CACYBP: variants seen among roughly 807,000 people sequenced by gnomAD.
The protein encoded by CACYBP is calcyclin binding protein.
Under a neutral mutation model 29.6 loss-of-function variants are expected in CACYBP, and 11 were observed. The observed-to-expected ratio is 0.37, with a 90% CI of 0.23 to 0.61. The LOEUF is 0.61. Among genes scored for constraint, CACYBP ranks in the 20% least tolerant of loss-of-function variants. The pLI is 0.65. For synonymous variants in CACYBP, 73 were observed against 88.3 expected, an observed-to-expected ratio of 0.83 and a Z score of 0.97; for missense variants, 163 against 260.7, an observed-to-expected ratio of 0.63 and a Z score of 2.58.
intron 4 of CACYBP, 65 bp from the exon 5 acceptor site, chr1:175,008,544 T>G: frequency 1.2e-6 from 1 of 805,644 alleles, no homozygotes; most frequent in Non-Finnish European, 2.2e-6. Flanking sequence ...GATAATTGTT[T>G]TATAAATATT....
rs183883709 is a variant in CACYBP at position 175,004,517 on chromosome 1, C to T, written c.16-97C>T. 11 of 713,144 alleles carry T rather than the reference C, an allele frequency of 1.5e-5. No homozygotes were observed. The East Asian group carries it at 2.8e-4, about 18-fold the overall frequency. 44.2% of individuals were successfully genotyped at this position (713,144 alleles called of 1,614,324 possible). ...GAAAATTTAGATGAACTTCTTAATT[C>T]TTAGTGCTTATTTCAGTAAGTTGAA... On this transcript the variant is annotated intron_variant, in intron 1 of 5. Coordinates refer to ENST00000367679, the MANE Select transcript of CACYBP (RefSeq NM_014412.3).
chr1:175,002,214 C>T (rs1189033961), intron 1 of CACYBP, among the ~76,000 whole-genome samples: 2 of 152,218 alleles, frequency 1.3e-5, no homozygotes, highest in African/African-American at 4.8e-5. Flanking sequence ...GTGGTTGCAT[C>T]ATATTCCTGT....
Position 175,007,168 on chromosome 1 carries a change from C to G in CACYBP, c.403C>G (p.Pro135Ala). ...YSMIVNNLLKPISVEGSSKKV... is the reference protein window; with the variant it reads ...YSMIVNNLLKAISVEGSSKKV... ...CATGATTGTGAACAATCTCTTGAAA[C>G]CCATCTCTGTGGAAGGCAGTTCAAA... is the stretch of plus-strand genomic sequence containing the variant. Residue 135 changes from proline (P) to alanine (A), a missense_variant, in exon 4 of 6, where the codon CCC becomes GCC. Physicochemically the swap from Pro to Ala is conservative, Grantham distance 27. Coordinates refer to ENST00000367679, the MANE Select transcript of CACYBP (RefSeq NM_014412.3). 5 of 1,611,142 alleles carry G rather than the reference C, an allele frequency of 3.1e-6. No homozygotes were observed. Among genetic ancestry groups the G allele is most frequent in the Non-Finnish European group, 4.2e-6 (5 of 1,177,866 alleles).
At chr1:175,001,944 G>C (rs148126437) in intron 1 of CACYBP, among the ~76,000 whole-genome samples, 1,875 of 152,256 alleles carry the variant, frequency 0.012, 34 homozygotes, top group African/African-American at 0.043. Context: ...GTTTCACCAC[G>C]TTGGCCAGGC....
At chr1:175,005,377 C>T (rs144490280) in intron 2 of CACYBP, among the ~76,000 whole-genome samples, 19 of 152,166 alleles carry the variant, frequency 1.2e-4, no homozygotes, top group South Asian at 2.1e-4. Context: ...TTTGTTTTGG[C>T]GGCAGCGCAA....
rs984386624 is a variant in CACYBP, at chr1:175,000,403, C to T, written c.15+208C>T. The T allele has an allele frequency of 3.1e-5, 44 of 1,405,776 alleles. No individual in the cohort carries two copies. The African/African-American group carries it at 6.0e-4, about 19-fold the overall frequency. The allele number at this position is 1,405,776 out of a possible 1,614,324, so 87.1% of individuals were successfully genotyped here. ...CTTCCACTCGACCTCGCACCCCACT[C>T]GCCTGCTGGGCTCGAGCGGGGGTGT... On this transcript the variant is annotated intron_variant, in intron 1 of 5. Transcript: ENST00000367679.
intron 1 of CACYBP, chr1:175,000,549 C>A: frequency 8.4e-7 from 1 of 1,191,968 alleles, no homozygotes; most frequent in Non-Finnish European, 1.0e-6. Flanking sequence ...TTCATTCAAG[C>A]AAAGCTGGGT....
chr1:175,000,230 C>T (rs1249372845), intron 1 of CACYBP, 35 bp downstream of exon 1: 2 of 1,588,078 alleles, frequency 1.3e-6, no homozygotes, highest in African/African-American at 1.4e-5. Flanking sequence ...TTATGCCCCC[C>T]GGCTGGAGCT....
At chr1:174,999,745 C>T, upstream of CACYBP, 1 of 268,238 alleles carries the variant, frequency 3.7e-6, no homozygotes. Flanking sequence ...GACTGCGCAG[C>T]GTGGCCCAGC....
At chr1:175,000,846 C>T (rs905978576) in intron 1 of CACYBP, among the ~76,000 whole-genome samples, 6 of 152,088 alleles carry the variant, frequency 3.9e-5, no homozygotes, top group African/African-American at 1.2e-4. Context: ...AAGCGAATGG[C>T]CTGTGTTAAA....
Position 175,000,047 on chromosome 1 carries a change from C to A in CACYBP, c.-134C>A, listed in dbSNP as rs1404254756. The A allele has an allele frequency of 3.9e-6, 5 of 1,266,350 alleles. No homozygotes were observed. Among genetic ancestry groups the A allele is most frequent in the Admixed American group, 4.0e-5 (2 of 50,154 alleles). 78.4% of individuals were successfully genotyped at this position (1,266,350 alleles called of 1,614,324 possible). The stretch of plus-strand genomic sequence containing the variant: ...GGCGGGCCGCGATCTTGCGCAGGGT[C>A]GGTGTGGGCGCAGGCTGCAGCGCCG... On this transcript the variant is annotated 5_prime_UTR_variant, in exon 1 of 6. Transcript: ENST00000367679.
In CACYBP at chr1:175,004,626, C is replaced by T; in HGVS notation, c.28C>T (p.Leu10=). 1 of 1,598,302 alleles carries T rather than the reference C, an allele frequency of 6.3e-7. No homozygotes were observed. The highest frequency in any genetic ancestry group is 8.5e-7 in the Non-Finnish European group (1 of 1,173,788). The change falls in exon 2 of 6, where the codon CTA becomes TTA. Residue 10 remains leucine (L), a synonymous_variant. Transcript: ENST00000367679. MASEELQKD[L]EEVKVLLEKA... ...TGTCTTAACACAGCTACAGAAAGAT[C>T]TAGAAGAGGTAAAGGTGTTGCTGGA...
rs772710020 is a variant in CACYBP at position 175,007,217 on chromosome 1, T to G, written c.432+20T>G. The G allele has an allele frequency of 7.0e-7, 1 of 1,424,376 alleles. No individual in the cohort carries two copies. The highest frequency in any genetic ancestry group is 1.7e-5 in the Admixed American group (1 of 58,012). 88.2% of individuals were successfully genotyped at this position (1,424,376 alleles called of 1,614,324 possible). A position where few individuals can be genotyped will look rare whatever the true frequency, so the allele number is the denominator to read the frequency against. ...AAAAAAGTGAGTGTGCTTTTTTTGA[T>G]TGTAATATTGTGAAACCTTACCAAA... On this transcript the variant is annotated intron_variant, in intron 4 of 5. Transcript: ENST00000367679.
At chr1:175,000,843 T>C (rs1044905372) in intron 1 of CACYBP, among the ~76,000 whole-genome samples, 2 of 152,260 alleles carry the variant, frequency 1.3e-5, no homozygotes, top group Non-Finnish European at 2.9e-5. Flanking sequence ...AGAAAGCGAA[T>C]GGCCTGTGTT....
upstream of CACYBP, chr1:174,999,843 G>A (rs752330128): frequency 1.9e-4 from 89 of 471,134 alleles, no homozygotes; most frequent in Non-Finnish European, 2.3e-4. Context: ...CGAGACTTGA[G>A]CGTTGCTAGG....
At chr1:175,009,112 C>T (rs192622231) in intron 5 of CACYBP, among the ~76,000 whole-genome samples, 2 of 152,222 alleles carry the variant, frequency 1.3e-5, no homozygotes, top group Admixed American at 6.5e-5. Context: ...ATGATACTTG[C>T]GTTCTAGGTC....
upstream of CACYBP, chr1:174,999,887 G>T: frequency 1.9e-6 from 1 of 523,554 alleles, no homozygotes; most frequent in South Asian, 2.2e-5. Flanking sequence ...AGACTCGGCG[G>T]GGCGGGGAGG....
rs536849120 is a variant in CACYBP, at chr1:175,011,495, A to G, written c.*1416A>G. On this transcript the variant is annotated 3_prime_UTR_variant, in exon 6 of 6. Transcript: ENST00000367679. Reference sequence around the variant, plus strand: ...AGGAAAACGACATTATATGTGACTTAAAACCTAGAAGAAATAAATAAAACT... The same window carrying G: ...AGGAAAACGACATTATATGTGACTTGAAACCTAGAAGAAATAAATAAAACT... 41 of 152,368 alleles carry G rather than the reference A, an allele frequency of 2.7e-4. No homozygotes were observed. The highest frequency in any genetic ancestry group is 9.6e-4 in the African/African-American group (40 of 41,594). The allele number at this position is 152,368 out of a possible 1,614,324, so 9.4% of individuals were successfully genotyped here.
chr1:175,010,014 C>T lies in CACYBP; in HGVS notation c.622C>T (p.Arg208Ter), dbSNP rs1311482210. 1 of 1,613,348 alleles carries T rather than the reference C, an allele frequency of 6.2e-7. No homozygotes were observed. Among genetic ancestry groups the T allele is most frequent in the Non-Finnish European group, 8.5e-7 (1 of 1,179,494 alleles). ...IYEDGDDDMK[R>*]TINKAWVESR... Reference sequence around the variant, plus strand: ...TGAAGATGGAGACGATGATATGAAGCGAACCATTAATAAAGCCTGGGTGGA... The same window carrying T: ...TGAAGATGGAGACGATGATATGAAGTGAACCATTAATAAAGCCTGGGTGGA... Residue 208 changes from arginine (R) to a stop codon, truncating the protein, a stop_gained, in exon 6 of 6, where the codon CGA (arginine) becomes TGA (stop). Coordinates refer to ENST00000367679, the MANE Select transcript of CACYBP (RefSeq NM_014412.3). LOFTEE classifies it high-confidence loss of function.
Sources: allele counts gnomAD v4.1 joint callset (sites outside exome capture counted in the v4.1 genomes callset), GRCh38; gene constraint gnomAD v4.1.1; transcripts MANE v1.5; gene names NCBI Gene and HGNC (gene_info 2026-07-23, HGNC 2026-07-21).